Variants in CNNM2 observed in about 807,000 individuals in gnomAD.
CNNM2 encodes the protein cyclin and CBS domain divalent metal cation transport mediator 2.
Under a neutral mutation model 66.9 loss-of-function variants are expected in CNNM2, and 12 were observed. The ratio of observed to expected loss-of-function variants is 0.18; its 90% confidence interval spans 0.11 to 0.29. The LOEUF (loss-of-function observed/expected upper bound fraction) is 0.29, where lower values mean the gene tolerates loss of function less well. CNNM2 is among the 10% of genes least tolerant of loss of function. The pLI, the probability that CNNM2 is intolerant of heterozygous loss-of-function variation, is 1.00. For synonymous variants in CNNM2, 557 were observed against 501.8 expected, an observed-to-expected ratio of 1.11 and a Z score of -1.47; for missense variants, 705 against 1,167.7, an observed-to-expected ratio of 0.60 and a Z score of 5.77.
Position 103,068,716 on chromosome 10 carries a change from T to A in CNNM2, c.2161T>A (p.Ser721Thr). Residue 721 changes from serine (S) to threonine (T), a missense_variant, in exon 5 of 8, where the codon TCT (serine) becomes ACT (threonine). This residue lies in a region of CNNM2 where 194 missense variants were observed against 227.6 expected (regional missense o/e 0.85). Coordinates refer to ENST00000369878, the MANE Select transcript of CNNM2 (RefSeq NM_017649.5). ...CTATGGCGTGATGGCCCTGACAGCC[T>A]CTCCAGGTATGTTTGGTTCCCAGCC... is the stretch of plus-strand genomic sequence containing the variant. ...SYYGVMALTA[S>T]PVPLSLSRTF... is the part of the protein sequence containing the mutation. 1 of 1,611,848 alleles carries A rather than the reference T, an allele frequency of 6.2e-7. No homozygotes were observed. The highest frequency in any genetic ancestry group is 8.5e-7 in the Non-Finnish European group (1 of 1,178,964).
At chr10:102,957,796 G>A (rs1418501031) in intron 1 of CNNM2, among the ~76,000 whole-genome samples, 3 of 152,122 alleles carry the variant, frequency 2.0e-5, no homozygotes, top group Non-Finnish European at 2.9e-5. Flanking sequence ...GCTATGTTAG[G>A]CTGGTAGATC....
At chr10:102,956,472 A>G (rs1158185410) in intron 1 of CNNM2, among the ~76,000 whole-genome samples, 1 of 152,194 alleles carries the variant, frequency 6.6e-6, no homozygotes, top group East Asian at 1.9e-4. Context: ...ATTACTGGAT[A>G]TATACCCAAA....
chr10:103,040,192 A>T (rs2065014758), intron 1 of CNNM2, among the ~76,000 whole-genome samples: 1 of 152,026 alleles, frequency 6.6e-6, no homozygotes, highest in South Asian at 2.1e-4. Context: ...CAGATGCCTT[A>T]AGAGAAATTC....
chr10:102,968,020 C>T (rs1466337469), intron 1 of CNNM2, among the ~76,000 whole-genome samples: 1 of 152,038 alleles, frequency 6.6e-6, no homozygotes, highest in East Asian at 1.9e-4. Flanking sequence ...AATAATAATT[C>T]CCTGTGGGCA....
At position 103,089,597 on chromosome 10, in the gene CNNM2, A is replaced by T; in HGVS notation, c.*12417A>T. The T allele has an allele frequency of 6.8e-7, 1 of 1,477,608 alleles. No homozygotes were observed. Among genetic ancestry groups the T allele is most frequent in the Non-Finnish European group, 9.0e-7 (1 of 1,113,334 alleles). 91.5% of individuals were successfully genotyped at this position (1,477,608 alleles called of 1,614,324 possible). On this transcript the variant is annotated 3_prime_UTR_variant, in exon 8 of 8. Coordinates refer to ENST00000369878, the MANE Select transcript of CNNM2 (RefSeq NM_017649.5). ...CCCTCCCTCCCCCGAGTAGAACCCT[A>T]ACAGGGACCTCGTTTGTTCCTGTGA...
At position 103,082,209 on chromosome 10, in the gene CNNM2, G is replaced by C. The variant is rs1360018177; in HGVS notation, c.*5029G>C. ...AAGAATGGGAGCATTGTCTTGCCTC[G>C]CTTGGAAGGACGCCTTCCGGCATCT... is the stretch of plus-strand genomic sequence containing the variant. On this transcript the variant is annotated 3_prime_UTR_variant, in exon 8 of 8. Transcript: ENST00000369878. The C allele has an allele frequency of 1.3e-5, 2 of 152,192 alleles. No individual in the cohort carries two copies. The highest frequency in any genetic ancestry group is 6.5e-5 in the Admixed American group (1 of 15,278). The allele number at this position is 152,192 out of a possible 1,614,324, so 9.4% of individuals were successfully genotyped here. A position where few individuals can be genotyped will look rare whatever the true frequency, so the allele number is the denominator to read the frequency against.
At chr10:103,000,320 T>G (rs1301618332) in intron 1 of CNNM2, among the ~76,000 whole-genome samples, 1 of 152,048 alleles carries the variant, frequency 6.6e-6, no homozygotes, top group Non-Finnish European at 1.5e-5. Context: ...GTGTGGCATC[T>G]CCTCAAAAAG....
At chr10:102,964,383 C>T (rs2063428761) in intron 1 of CNNM2, among the ~76,000 whole-genome samples, 1 of 152,062 alleles carries the variant, frequency 6.6e-6, no homozygotes, top group African/African-American at 2.4e-5. Context: ...TGTGTGCCAC[C>T]ACATCTAGCT....
intron 1 of CNNM2, among the ~76,000 whole-genome samples, chr10:102,949,023 C>A (rs895727235): frequency 1.3e-5 from 2 of 152,188 alleles, no homozygotes; most frequent in African/African-American, 4.8e-5. Context: ...GGCACTCTGC[C>A]TTTTTAGGAG....
chr10:103,068,504 T>G, intron 4 of CNNM2, 125 bp from the exon 5 acceptor site: 1 of 785,002 alleles, frequency 1.3e-6, no homozygotes, highest in Non-Finnish European at 2.2e-6. Context: ...AGCTGAAGCT[T>G]TACTCCCTCG....
rs2065776277 is a variant in CNNM2, at chr10:103,083,544, T to A, written c.*6364T>A. 1 of 152,226 alleles carries A rather than the reference T, an allele frequency of 6.6e-6. No individual in the cohort carries two copies. 9.4% of individuals were successfully genotyped at this position (152,226 alleles called of 1,614,324 possible). A position where few individuals can be genotyped will look rare whatever the true frequency, so the allele number is the denominator to read the frequency against. ...CTCAGCATGACAACATAGAAGAGCA[T>A]CTTCTTTGGACAGTGTAAAGTCTTA... On this transcript the variant is annotated 3_prime_UTR_variant, in exon 8 of 8. Transcript: ENST00000369878.
intron 4 of CNNM2, among the ~76,000 whole-genome samples, chr10:103,063,239 C>T (rs1011887015): frequency 7.2e-5 from 11 of 152,282 alleles, no homozygotes; most frequent in East Asian, 5.8e-4. Context: ...TAGAGAGTGT[C>T]GGGGCACCAG....
intron 1 of CNNM2, among the ~76,000 whole-genome samples, chr10:103,039,748 A>G (rs1290508131): frequency 6.6e-6 from 1 of 152,170 alleles, no homozygotes; most frequent in African/African-American, 2.4e-5. Context: ...CTGGGGCTCT[A>G]TAAGGGCTGA....
intron 1 of CNNM2, among the ~76,000 whole-genome samples, chr10:102,930,637 T>C (rs958560236): frequency 1.3e-5 from 2 of 152,226 alleles, no homozygotes; most frequent in African/African-American, 4.8e-5. Context: ...TGTGCAGTCA[T>C]TACTACTGTC....
intron 1 of CNNM2, among the ~76,000 whole-genome samples, chr10:103,005,608 C>T (rs2064210016): frequency 6.6e-6 from 1 of 152,142 alleles, no homozygotes; most frequent in East Asian, 1.9e-4. Flanking sequence ...GAGACCGCAC[C>T]ACTGCACTCC....
intron 1 of CNNM2, among the ~76,000 whole-genome samples, chr10:103,021,610 T>G (rs1384221708): frequency 6.6e-6 from 1 of 152,152 alleles, no homozygotes; most frequent in Non-Finnish European, 1.5e-5. Context: ...GGTGATAGTC[T>G]TGCTCCCACA....
intron 1 of CNNM2, among the ~76,000 whole-genome samples, chr10:103,028,182 A>G (rs529092795): frequency 2.0e-5 from 3 of 152,330 alleles, no homozygotes; most frequent in African/African-American, 7.2e-5. Flanking sequence ...AGCTTAAGAC[A>G]GTTTGTCATT....
intron 1 of CNNM2, among the ~76,000 whole-genome samples, chr10:103,020,500 T>G (rs891473139): frequency 1.3e-5 from 2 of 152,150 alleles, no homozygotes; most frequent in South Asian, 4.1e-4. Flanking sequence ...CAACCAATAT[T>G]TAATCAGTAT....
At chr10:102,966,956 T>G (rs1326799441) in intron 1 of CNNM2, among the ~76,000 whole-genome samples, 1 of 152,102 alleles carries the variant, frequency 6.6e-6, no homozygotes, top group African/African-American at 2.4e-5. Context: ...TCTGGAAGAA[T>G]GCAGAGAGCT....
Sources: gnomAD v4.1 joint callset for allele counts (sites outside exome capture counted in the v4.1 genomes callset) on GRCh38, gnomAD v4.1.1 for gene constraint, gnomAD v4.1.1 regional missense constraint, MANE v1.5 for transcripts, NCBI Gene and HGNC (gene_info 2026-07-23, HGNC 2026-07-21) for gene names.